The following GRID1 variants were observed in gnomAD, a reference collection of about 807,000 sequenced individuals.
GRID1 encodes glutamate ionotropic receptor delta type subunit 1.
In GRID1, 28 loss-of-function variants were observed where a neutral mutation model predicts 98.0. That is an observed-to-expected ratio of 0.29 (90% confidence interval 0.21 to 0.39). The LOEUF (loss-of-function observed/expected upper bound fraction) is 0.39. Among genes scored for constraint, GRID1 ranks in the 10% least tolerant of loss-of-function variants. The pLI, the probability that GRID1 is intolerant of heterozygous loss-of-function variation, is 1.00. For synonymous variants in GRID1, 553 were observed against 538.5 expected (o/e 1.03, Z -0.37); for missense variants, 1,111 against 1,340.5 (o/e 0.83, Z 2.67).
chr10:86,085,305 C>T (rs993155233), intron 4 of GRID1, among the ~76,000 whole-genome samples: 4 of 152,198 alleles, frequency 2.6e-5, no homozygotes, highest in Admixed American at 2.0e-4. Context: ...AGGGGCTCTG[C>T]CCTGCCACTG....
At chr10:86,130,744 C>T (rs1844822934) in intron 4 of GRID1, among the ~76,000 whole-genome samples, 1 of 152,210 alleles carries the variant, frequency 6.6e-6, no homozygotes, top group African/African-American at 2.4e-5. Flanking sequence ...TTCCTGGTTG[C>T]CAGACAAGGA....
chr10:86,122,381 C>A (rs766099051), intron 4 of GRID1, among the ~76,000 whole-genome samples: 10 of 152,376 alleles, frequency 6.6e-5, no homozygotes, highest in Non-Finnish European at 1.3e-4. Flanking sequence ...TCATTCCCTG[C>A]ACATTCACTT....
rs74722522 is a variant in GRID1 at position 85,722,270 on chromosome 10, C to T, written c.1997+733G>A. 7.2e-4 allele frequency among the ~76,000 whole-genome samples: 110 copies of T among 152,222 alleles called. 2 individuals are homozygous for T. Among genetic ancestry groups the T allele is most frequent in the African/African-American group, 2.4e-3 (98 of 41,538 alleles). On this transcript the variant is annotated intron_variant, in intron 12 of 15. Transcript: ENST00000327946. ...CAGTGAGTCAAAAAACCATAATCAG[C>T]GATCAAGTTAGAGGCAATATTGAAG...
chr10:86,181,010 C>A (rs977257158), intron 3 of GRID1, among the ~76,000 whole-genome samples: 2 of 152,144 alleles, frequency 1.3e-5, no homozygotes, highest in Non-Finnish European at 2.9e-5. Flanking sequence ...ATGAGGACAG[C>A]CAAGCCCAGG....
At chr10:86,144,885 C>T (rs1473530266) in intron 3 of GRID1, among the ~76,000 whole-genome samples, 1 of 152,166 alleles carries the variant, frequency 6.6e-6, no homozygotes, top group African/African-American at 2.4e-5. Flanking sequence ...TTCAACTTCT[C>T]CTCCTAAACA....
intron 4 of GRID1, among the ~76,000 whole-genome samples, chr10:86,013,383 A>G (rs551192975): frequency 6.6e-6 from 1 of 152,306 alleles, no homozygotes; most frequent in East Asian, 1.9e-4. Context: ...CCCTATATTA[A>G]CTTTCTAAGT....
chr10:85,910,503 C>G (rs1201724603), intron 5 of GRID1, among the ~76,000 whole-genome samples: 2 of 152,216 alleles, frequency 1.3e-5, no homozygotes, highest in African/African-American at 2.4e-5. Flanking sequence ...AGGGCAAGGA[C>G]TGATCCCTAA....
chr10:85,613,840 T>G (rs73338984), intron 14 of GRID1, among the ~76,000 whole-genome samples, 193 bp from the exon 15 acceptor site: 2,006 of 152,268 alleles, frequency 0.013, 46 homozygotes, highest in African/African-American at 0.044. Flanking sequence ...AAAACGCACA[T>G]TAGGTTTTGT....
At chr10:85,780,694 T>C (rs944378501) in intron 8 of GRID1, among the ~76,000 whole-genome samples, 2 of 151,896 alleles carry the variant, frequency 1.3e-5, no homozygotes, top group Non-Finnish European at 2.9e-5. Context: ...AGGCAGATAG[T>C]ACAGGTCAGA....
intron 2 of GRID1, among the ~76,000 whole-genome samples, chr10:86,342,400 A>C (rs1462129654): frequency 6.6e-6 from 1 of 152,216 alleles, no homozygotes; most frequent in Non-Finnish European, 1.5e-5. Flanking sequence ...GTGGAAATCA[A>C]GATGAACCCA....
chr10:85,844,727 T>C (rs1842990469), intron 8 of GRID1, among the ~76,000 whole-genome samples: 1 of 152,028 alleles, frequency 6.6e-6, no homozygotes, highest in Non-Finnish European at 1.5e-5. Context: ...TGGAATATAC[T>C]ATAAAATAAT....
intron 12 of GRID1, among the ~76,000 whole-genome samples, chr10:85,664,615 C>T (rs987860164): frequency 1.3e-5 from 2 of 152,256 alleles, no homozygotes; most frequent in African/African-American, 2.4e-5. Flanking sequence ...CACTGACAGC[C>T]GAGCTTGAAG....
chr10:85,800,906 T>A (rs1161256622), intron 8 of GRID1, among the ~76,000 whole-genome samples: 1 of 151,922 alleles, frequency 6.6e-6, no homozygotes, highest in Non-Finnish European at 1.5e-5. Flanking sequence ...GGAGCCAGAA[T>A]CTGGCTACAG....
chr10:86,234,050 C>A (rs1363915621), intron 2 of GRID1, among the ~76,000 whole-genome samples: 1 of 152,084 alleles, frequency 6.6e-6, no homozygotes, highest in South Asian at 2.1e-4. Flanking sequence ...CTCTCTGTGC[C>A]CCTTCAGGAC....
At chr10:86,017,945 T>C (rs914184271) in intron 4 of GRID1, among the ~76,000 whole-genome samples, 22 of 152,262 alleles carry the variant, frequency 1.4e-4, no homozygotes, top group Admixed American at 1.1e-3. Flanking sequence ...CAACAGACCA[T>C]GCCCAGACTC....
intron 5 of GRID1, among the ~76,000 whole-genome samples, chr10:85,883,914 T>A (rs1841075048): frequency 2.0e-5 from 3 of 152,164 alleles, no homozygotes; most frequent in Admixed American, 2.0e-4. Flanking sequence ...TTTCTCATAA[T>A]CCTTACACTG....
At chr10:86,035,956 C>A (rs982552141) in intron 4 of GRID1, among the ~76,000 whole-genome samples, 4 of 152,142 alleles carry the variant, frequency 2.6e-5, no homozygotes, top group African/African-American at 9.7e-5. Context: ...TTTTGAGAGC[C>A]CCCTGCAGCC....
chr10:86,206,525 G>C lies in GRID1; in HGVS notation c.359C>G (p.Pro120Arg). 1 of 1,614,216 alleles carries C rather than the reference G, an allele frequency of 6.2e-7. No homozygotes were observed. The highest frequency in any genetic ancestry group is 1.1e-5 in the South Asian group (1 of 91,082). ...GCATGCGGTGCGTGGCGACCCTCCC[G>C]GGTTGCGCTGGACAAAGAGGTGTGG... Reference protein sequence around the residue: ...HIPHLFVQRNPGGSPRTACHL... With the variant: ...HIPHLFVQRNRGGSPRTACHL... Residue 120 changes from proline (P) to arginine (R), a missense_variant, in exon 3 of 16, where the codon CCG becomes CGG. By Grantham distance (103) the Pro-to-Arg change is moderately radical. Coordinates refer to ENST00000327946, the MANE Select transcript of GRID1 (RefSeq NM_017551.3). This position sits in a 1 kb window ranked among gnomAD's most constrained non-coding sequence, Gnocchi z 4.1.
chr10:85,629,768 T>A (rs1235634080), intron 13 of GRID1, among the ~76,000 whole-genome samples: 3 of 152,198 alleles, frequency 2.0e-5, no homozygotes, highest in African/African-American at 7.2e-5. Context: ...TATGTTTAGT[T>A]TTTTGGGAAA....
Sources: gnomAD v4.1 joint callset for allele counts (sites outside exome capture counted in the v4.1 genomes callset) on GRCh38, gnomAD v4.1.1 for gene constraint, Gnocchi (gnomAD v3.1) non-coding constraint, MANE v1.5 for transcripts, NCBI Gene and HGNC (gene_info 2026-07-23, HGNC 2026-07-21) for gene names.